Variants in PTBP2 observed in about 807,000 individuals in gnomAD.
The protein encoded by PTBP2 is polypyrimidine tract binding protein 2.
PTBP2 carries 13 observed loss-of-function variants against 61.4 expected under a neutral mutation model. The ratio of observed to expected loss-of-function variants is 0.21; its 90% CI spans 0.14 to 0.34. The LOEUF (loss-of-function observed/expected upper bound fraction) is 0.34. Among genes scored for constraint, PTBP2 ranks in the 10% least tolerant of loss-of-function variants. PTBP2 has a pLI of 1.00. For synonymous variants in PTBP2, 215 were observed against 218.5 expected (o/e 0.98, Z 0.14); for missense variants, 405 against 642.6 (o/e 0.63, Z 4.00).
intron 8 of PTBP2, 106 bp downstream of exon 8, chr1:96,785,360 G>A (rs1162859214): frequency 2.3e-6 from 2 of 860,830 alleles, no homozygotes; most frequent in Non-Finnish European, 3.3e-6. Flanking sequence ...AATTGTGTTA[G>A]GTTTCGTGAG....
At chr1:96,760,057 A>G (rs1164343693) in intron 3 of PTBP2, among the ~76,000 whole-genome samples, 2 of 152,098 alleles carry the variant, frequency 1.3e-5, no homozygotes, top group Non-Finnish European at 2.9e-5. Flanking sequence ...TGCCCCCATG[A>G]TTCAGTTAAC....
rs140877094 is a variant in PTBP2, at chr1:96,760,426, G to A, written c.115+8926G>A. ...TTACTGCTGAGTATATAACATAGTTGGGAAAATAGTTTGCTTTTTTTTTTT... is the reference window on the plus strand; with the variant it reads ...TTACTGCTGAGTATATAACATAGTTAGGAAAATAGTTTGCTTTTTTTTTTT... On this transcript the variant is annotated intron_variant, in intron 3 of 13. Transcript: ENST00000674951. Among the ~76,000 whole-genome samples, 504 of 150,274 alleles carry A rather than the reference G, an allele frequency of 3.4e-3. 1 individual carries two copies. Among genetic ancestry groups the A allele is most frequent in the African/African-American group, 0.011 (445 of 40,734 alleles).
At chr1:96,767,013 A>G (rs1656808342) in intron 3 of PTBP2, among the ~76,000 whole-genome samples, 1 of 152,174 alleles carries the variant, frequency 6.6e-6, no homozygotes, top group Non-Finnish European at 1.5e-5. Context: ...ATAGGTCATA[A>G]TGATAGCAAT....
intron 1 of PTBP2, 133 bp downstream of exon 1, chr1:96,722,005 C>A: frequency 8.6e-7 from 1 of 1,156,830 alleles, no homozygotes; most frequent in Non-Finnish European, 1.2e-6. Context: ...ACCCCCGCCC[C>A]ATCGCACACA....
intron 2 of PTBP2, among the ~76,000 whole-genome samples, chr1:96,729,031 C>T (rs1416431784): frequency 6.6e-6 from 1 of 151,984 alleles, no homozygotes; most frequent in East Asian, 1.9e-4. Flanking sequence ...TTATATATTT[C>T]ATCAGATTTG....
chr1:96,725,289 T>C (rs972486770), intron 2 of PTBP2, among the ~76,000 whole-genome samples: 8 of 151,224 alleles, frequency 5.3e-5, no homozygotes, highest in African/African-American at 1.9e-4. Flanking sequence ...GTGTAATGTA[T>C]TGGTTACACC....
At chr1:96,788,264 C>G (rs973278474) in intron 8 of PTBP2, among the ~76,000 whole-genome samples, 1 of 152,008 alleles carries the variant, frequency 6.6e-6, no homozygotes, top group African/African-American at 2.4e-5. Flanking sequence ...ATGAGCCAAG[C>G]CTTCAGCTTT....
intron 3 of PTBP2, among the ~76,000 whole-genome samples, chr1:96,759,146 A>G (rs1191103672): frequency 1.3e-5 from 2 of 152,226 alleles, no homozygotes; most frequent in Admixed American, 6.5e-5. Flanking sequence ...AAAGACTTAC[A>G]TGAAGACGTA....
chr1:96,749,957 G>GAAATT (rs1654333920), intron 2 of PTBP2, among the ~76,000 whole-genome samples: 3 of 152,102 alleles, frequency 2.0e-5, no homozygotes, highest in Non-Finnish European at 4.4e-5. Context: ...TTTTCTACTT[G>GAAATT]TCATGAAAAC....
intron 3 of PTBP2, among the ~76,000 whole-genome samples, chr1:96,753,137 A>G (rs1210451612): frequency 6.6e-6 from 1 of 152,198 alleles, no homozygotes; most frequent in African/African-American, 2.4e-5. Flanking sequence ...ACAGTTTTGG[A>G]TAATGACTTG....
intron 13 of PTBP2, 23 bp downstream of exon 13, chr1:96,813,129 A>T (rs1364851833): frequency 2.5e-6 from 4 of 1,585,700 alleles, no homozygotes; most frequent in Non-Finnish European, 3.4e-6. Context: ...CCTTATCTTT[A>T]AATTAGTGAC....
At chr1:96,762,051 TG>T (rs1333587197) in intron 3 of PTBP2, among the ~76,000 whole-genome samples, 1 of 150,702 alleles carries the variant, frequency 6.6e-6, no homozygotes, top group Non-Finnish European at 1.5e-5. Flanking sequence ...AGCACAGGGT[TG>T]GGGGTAAGGT....
intron 2 of PTBP2, among the ~76,000 whole-genome samples, chr1:96,733,021 C>CTTTTTTTT (rs35353502): frequency 2.2e-5 from 3 of 139,474 alleles, no homozygotes; most frequent in Non-Finnish European, 3.1e-5. Context: ...TTCTTTCTTT[C>CTTTTTTTT]TTTTTTTTTT....
chr1:96,723,508 G>T, intron 1 of PTBP2, 56 bp from the exon 2 acceptor site: 1 of 1,483,046 alleles, frequency 6.7e-7, no homozygotes, highest in Non-Finnish European at 9.3e-7. Context: ...TAGAGCCAAA[G>T]AGTGAGTGAT....
Position 96,738,460 on chromosome 1 carries a change from A to C in PTBP2, c.40-12965A>C, listed in dbSNP as rs542821936. On this transcript the variant is annotated intron_variant, in intron 2 of 13. Transcript: ENST00000674951. ...GGCTAATTTTTTGTATTTTTAGTAG[A>C]GATGGGGTTTCACCGTGTTAGCCAG... 2.0e-4 allele frequency among the ~76,000 whole-genome samples: 31 copies of C among 151,598 alleles called. 1 individual carries two copies. The highest frequency in any genetic ancestry group is 9.9e-4 in the Admixed American group (15 of 15,218).
intron 8 of PTBP2, among the ~76,000 whole-genome samples, chr1:96,794,458 G>C (rs534606312): frequency 6.6e-6 from 1 of 152,298 alleles, no homozygotes; most frequent in East Asian, 1.9e-4. Context: ...TTCTTTCCAG[G>C]GAGGTAAAGG....
chr1:96,742,256 G>C (rs1416271374), intron 2 of PTBP2, among the ~76,000 whole-genome samples: 2 of 152,102 alleles, frequency 1.3e-5, no homozygotes, highest in South Asian at 2.1e-4. Flanking sequence ...TTCCCTAAGA[G>C]ACATGCTTAA....
intron 8 of PTBP2, among the ~76,000 whole-genome samples, chr1:96,785,802 T>C (rs1299790163): frequency 6.6e-6 from 1 of 152,238 alleles, no homozygotes; most frequent in Non-Finnish European, 1.5e-5. Context: ...TTTTGCTATT[T>C]CTTTGCATTT....
intron 2 of PTBP2, among the ~76,000 whole-genome samples, chr1:96,739,913 C>T (rs558660820): frequency 2.0e-5 from 3 of 152,074 alleles, no homozygotes; most frequent in South Asian, 2.1e-4. Flanking sequence ...CCTGAGCCAC[C>T]GCGCCTGGCC....
Sources: allele counts gnomAD v4.1 joint callset (sites outside exome capture counted in the v4.1 genomes callset), GRCh38; gene constraint gnomAD v4.1.1; transcripts MANE v1.5; gene names NCBI Gene and HGNC (gene_info 2026-07-23, HGNC 2026-07-21).